Variants in MAGI2 observed in about 807,000 individuals in gnomAD.
The protein encoded by MAGI2 is membrane associated guanylate kinase, WW and PDZ domain containing 2.
Under a neutral mutation model 133.3 loss-of-function variants are expected in MAGI2, and 35 were observed. The observed-to-expected ratio is 0.26, with a 90% CI of 0.20 to 0.35. The LOEUF (loss-of-function observed/expected upper bound fraction) is 0.35. MAGI2 is among the 10% of genes least tolerant of loss of function. MAGI2 has a pLI of 1.00. For synonymous variants in MAGI2, 729 were observed against 710.6 expected, an observed-to-expected ratio of 1.03 and a Z score of -0.41; for missense variants, 1,636 against 1,863.4, an observed-to-expected ratio of 0.88 and a Z score of 2.25.
intron 21 of MAGI2, among the ~76,000 whole-genome samples, chr7:78,073,276 A>G (rs142372394): frequency 3.4e-4 from 52 of 152,230 alleles, no homozygotes; most frequent in African/African-American, 1.2e-3. Context: ...TTGAAAATGA[A>G]AGCGTAGGCA....
Position 79,261,436 on chromosome 7 carries a change from A to G in MAGI2, c.301+191584T>C, listed in dbSNP as rs574619592. ...GCTTACATTTAATTGGTCAAAGCAA[A>G]TCACATAGTTCAAGCCTAAGGTTAG... is the stretch of plus-strand genomic sequence containing the variant. On this transcript the variant is annotated intron_variant, in intron 1 of 21. Transcript: ENST00000354212. 1.0e-3 allele frequency among the ~76,000 whole-genome samples: 152 copies of G among 152,336 alleles called. 1 individual carries two copies. Among genetic ancestry groups the G allele is most frequent in the Middle Eastern group, 3.4e-3 (1 of 294 alleles).
chr7:79,257,802 C>A (rs772891879), intron 1 of MAGI2, among the ~76,000 whole-genome samples: 1 of 151,764 alleles, frequency 6.6e-6, no homozygotes. Context: ...ATGCTACTCA[C>A]GAGAAAAAGG....
At chr7:78,904,685 TC>T (rs1797869844) in intron 2 of MAGI2, among the ~76,000 whole-genome samples, 1 of 152,104 alleles carries the variant, frequency 6.6e-6, no homozygotes, top group African/African-American at 2.4e-5. Flanking sequence ...GTATTTTTAG[TC>T]GAGACCGGGT....
chr7:78,333,654 C>T (rs1789459874), intron 9 of MAGI2, among the ~76,000 whole-genome samples: 1 of 152,224 alleles, frequency 6.6e-6, no homozygotes, highest in South Asian at 2.1e-4. Context: ...CTCTCTCAAG[C>T]TACCCTAAGC....
At chr7:79,113,488 C>T (rs1198909430) in intron 1 of MAGI2, among the ~76,000 whole-genome samples, 1 of 152,136 alleles carries the variant, frequency 6.6e-6, no homozygotes, top group African/African-American at 2.4e-5. Context: ...GTTTTGCTGT[C>T]TGTACTTAAA....
chr7:78,572,171 G>C (rs911516203), intron 3 of MAGI2, among the ~76,000 whole-genome samples: 6 of 152,202 alleles, frequency 3.9e-5, no homozygotes, highest in African/African-American at 1.4e-4. Flanking sequence ...GTCATTTCGT[G>C]GTTCAGCAAA....
intron 1 of MAGI2, among the ~76,000 whole-genome samples, chr7:79,440,635 T>A (rs1563226438): frequency 6.6e-6 from 1 of 151,966 alleles, no homozygotes; most frequent in Non-Finnish European, 1.5e-5. Flanking sequence ...TCCAAAACAA[T>A]AAAATGGGAA....
chr7:78,189,146 T>C (rs3807656), intron 12 of MAGI2, among the ~76,000 whole-genome samples: 41,998 of 151,954 alleles, frequency 0.28, 6,356 homozygotes, highest in South Asian at 0.36. Context: ...AACCACCCGT[T>C]TGTGATCAGC....
At position 79,079,853 on chromosome 7, in the gene MAGI2, A is replaced by T. The variant is rs908489440; in HGVS notation, c.302-72647T>A. 2.0e-4 allele frequency among the ~76,000 whole-genome samples: 31 copies of T among 152,124 alleles called. 1 individual carries two copies. Among genetic ancestry groups the T allele is most frequent in the Admixed American group, 6.6e-5 (1 of 15,266 alleles). Reference sequence around the variant, plus strand: ...GTATGCTCGTTAAAAAAATGGTGCAATCCTCTGGGTAAAATAATTTCACAA... The same window carrying T: ...GTATGCTCGTTAAAAAAATGGTGCATTCCTCTGGGTAAAATAATTTCACAA... On this transcript the variant is annotated intron_variant, in intron 1 of 21. Transcript: ENST00000354212.
rs116871987 is a variant in MAGI2, at chr7:78,502,442, C to T, written c.755-655G>A. 6.8e-4 allele frequency among the ~76,000 whole-genome samples: 103 copies of T among 152,200 alleles called. 2 individuals carry two copies. The highest frequency in any genetic ancestry group is 1.3e-3 in the Non-Finnish European group (90 of 68,016). On this transcript the variant is annotated intron_variant, in intron 4 of 21. Coordinates refer to ENST00000354212, the MANE Select transcript of MAGI2 (RefSeq NM_012301.4). Reference sequence around the variant, plus strand: ...CCGGAAAGGAACACAGCTCTGCCAACAAGGAACACAGCTCTTCCATAGTTT... The same window carrying T: ...CCGGAAAGGAACACAGCTCTGCCAATAAGGAACACAGCTCTTCCATAGTTT...
intron 21 of MAGI2, among the ~76,000 whole-genome samples, chr7:78,025,278 TA>T (rs2151045519): frequency 6.6e-6 from 1 of 151,928 alleles, no homozygotes; most frequent in East Asian, 2.0e-4. Context: ...TCAGGACTCT[TA>T]ATATCATCCC....
rs186283219 is a variant in MAGI2, at chr7:78,739,154, A to G, written c.419-111915T>C. On this transcript the variant is annotated intron_variant, in intron 2 of 21. Transcript: ENST00000354212. The stretch of plus-strand genomic sequence containing the variant: ...CTTTTTTCCCCCTCAGTGAATTTAT[A>G]TATGGAATTATAATCAACAAAACAG... Among the ~76,000 whole-genome samples, 521 of 152,286 alleles carry G rather than the reference A, an allele frequency of 3.4e-3. 2 individuals carry two copies. The highest frequency in any genetic ancestry group is 0.014 in the Middle Eastern group (4 of 294).
At chr7:79,257,649 A>G (rs1833786042) in intron 1 of MAGI2, among the ~76,000 whole-genome samples, 1 of 152,190 alleles carries the variant, frequency 6.6e-6, no homozygotes, top group Non-Finnish European at 1.5e-5. Context: ...CATCCAAAAC[A>G]GTGAGCATCT....
chr7:79,042,892 C>T (rs1408871645), intron 1 of MAGI2, among the ~76,000 whole-genome samples: 4 of 151,922 alleles, frequency 2.6e-5, no homozygotes, highest in Admixed American at 1.3e-4. Flanking sequence ...TGCTCTTGGA[C>T]CACAGGAAAA....
At chr7:78,564,942 C>A (rs942210567) in intron 3 of MAGI2, among the ~76,000 whole-genome samples, 7 of 151,384 alleles carry the variant, frequency 4.6e-5, no homozygotes, top group African/African-American at 1.7e-4. Context: ...TACAGGCACC[C>A]GCCACCACGC....
At chr7:78,143,924 G>GTT (rs374859888) in intron 16 of MAGI2, among the ~76,000 whole-genome samples, 59 of 137,734 alleles carry the variant, frequency 4.3e-4, no homozygotes, top group Middle Eastern at 3.7e-3. Context: ...AGTCCTATAA[G>GTT]TTTTTTTTTT....
intron 9 of MAGI2, among the ~76,000 whole-genome samples, chr7:78,293,065 A>G (rs1796880869): frequency 6.6e-6 from 1 of 152,248 alleles, no homozygotes; most frequent in Admixed American, 6.5e-5. Flanking sequence ...AATGGCAACA[A>G]AAGCCCAAAT....
intron 6 of MAGI2, among the ~76,000 whole-genome samples, chr7:78,399,264 C>A (rs1244743453): frequency 1.3e-5 from 2 of 152,024 alleles, no homozygotes; most frequent in Non-Finnish European, 2.9e-5. Flanking sequence ...ACACACACAC[C>A]CAGAAATCCC....
At chr7:79,249,134 C>T (rs2129555542) in intron 1 of MAGI2, among the ~76,000 whole-genome samples, 1 of 152,208 alleles carries the variant, frequency 6.6e-6, no homozygotes, top group South Asian at 2.1e-4. Flanking sequence ...AGGCATGAGC[C>T]ACTGCACCCA....
Sources: allele counts gnomAD v4.1 joint callset (sites outside exome capture counted in the v4.1 genomes callset), GRCh38; gene constraint gnomAD v4.1.1; transcripts MANE v1.5; gene names NCBI Gene and HGNC (gene_info 2026-07-23, HGNC 2026-07-21).